SIPA1L3: variants seen among roughly 807,000 people sequenced by gnomAD.
SIPA1L3 encodes the protein signal-induced proliferation-associated 1-like protein 3.
SIPA1L3 carries 59 observed loss-of-function variants against 150.1 expected under a neutral mutation model. The ratio of observed to expected loss-of-function variants is 0.39; its 90% confidence interval spans 0.32 to 0.49. SIPA1L3 has a LOEUF of 0.49. SIPA1L3 is among the 20% of genes least tolerant of loss of function. SIPA1L3 has a pLI of 0.86. For synonymous variants in SIPA1L3, 1,070 were observed against 1,077.6 expected (o/e 0.99, Z 0.14); for missense variants, 2,211 against 2,489.5 (o/e 0.89, Z 2.38).
At chr19:38,113,397 G>A (rs1970811262) in intron 8 of SIPA1L3, among the ~76,000 whole-genome samples, 1 of 152,164 alleles carries the variant, frequency 6.6e-6, no homozygotes, top group South Asian at 2.1e-4. Context: ...GGAGGCTGAG[G>A]CAGGAGGATC....
intron 2 of SIPA1L3, among the ~76,000 whole-genome samples, chr19:38,031,932 A>G (rs565205330): frequency 1.3e-5 from 2 of 152,330 alleles, no homozygotes; most frequent in African/African-American, 4.8e-5. Context: ...TGTGGGTGAC[A>G]GAGCAAGAGC....
At position 38,208,243 on chromosome 19, in the gene SIPA1L3, T is replaced by A. The variant is rs1010998635; in HGVS notation, c.*2003T>A. On this transcript the variant is annotated 3_prime_UTR_variant, in exon 22 of 22. Coordinates refer to ENST00000222345, the MANE Select transcript of SIPA1L3 (RefSeq NM_015073.3). ...ATAGCAGCAGGTTTTTTTTTTCATA[T>A]GTTGATTTGTTTCATTTGGATTTTT... The A allele has an allele frequency of 3.9e-5, 6 of 152,398 alleles. No individual in the cohort carries two copies. 9.4% of individuals were successfully genotyped at this position (152,398 alleles called of 1,614,324 possible).
At chr19:38,041,720 C>T (rs1366878249) in intron 2 of SIPA1L3, among the ~76,000 whole-genome samples, 1 of 151,964 alleles carries the variant, frequency 6.6e-6, no homozygotes, top group African/African-American at 2.4e-5. Context: ...GAGACTACAG[C>T]CACAAGCCAT....
chr19:37,986,165 G>T (rs1215023730), intron 1 of SIPA1L3, among the ~76,000 whole-genome samples: 1 of 152,216 alleles, frequency 6.6e-6, no homozygotes, highest in Non-Finnish European at 1.5e-5. Flanking sequence ...TTCCTGGATA[G>T]AGCCACAGTT....
At chr19:38,117,427 C>A (rs1970912168) in intron 8 of SIPA1L3, among the ~76,000 whole-genome samples, 1 of 152,122 alleles carries the variant, frequency 6.6e-6, no homozygotes, top group African/African-American at 2.4e-5. Flanking sequence ...CAAGACCAGC[C>A]TGACCAACAT....
intron 5 of SIPA1L3, among the ~76,000 whole-genome samples, chr19:38,100,840 C>T (rs750753572): frequency 3.9e-5 from 6 of 152,190 alleles, no homozygotes; most frequent in Non-Finnish European, 7.3e-5. Flanking sequence ...CTGGATACCT[C>T]GTTGTGCTTC....
At chr19:37,989,761 G>T (rs934351669) in intron 1 of SIPA1L3, among the ~76,000 whole-genome samples, 1 of 151,708 alleles carries the variant, frequency 6.6e-6, no homozygotes, top group African/African-American at 2.4e-5. Context: ...CGCCTCCTGG[G>T]TTCAAGCGAT....
At chr19:38,069,506 T>A (rs939326161) in intron 2 of SIPA1L3, among the ~76,000 whole-genome samples, 5 of 152,118 alleles carry the variant, frequency 3.3e-5, no homozygotes, top group African/African-American at 1.2e-4. Context: ...AGGCAGACCC[T>A]CTTCTCTCTG....
In SIPA1L3 at chr19:38,119,825, C is replaced by A; in HGVS notation, c.2811C>A (p.Phe937Leu). ...KIFYGRGDHI[F>L]LQATEGSVED... ...TCTATGGACGAGGAGACCACATCTTCCTACAGGCGACAGAGGGTTCTGTGG... is the reference window on the plus strand; with the variant it reads ...TCTATGGACGAGGAGACCACATCTTACTACAGGCGACAGAGGGTTCTGTGG... Residue 937 changes from phenylalanine to leucine, a missense_variant, in exon 9 of 22, where the codon TTC becomes TTA. Coordinates refer to ENST00000222345, the MANE Select transcript of SIPA1L3 (RefSeq NM_015073.3). 6.2e-7 allele frequency: 1 copy of A among 1,613,478 alleles called. No individual in the cohort carries two copies.
At chr19:37,939,436 G>A (rs561777599) in intron 1 of SIPA1L3, among the ~76,000 whole-genome samples, 1 of 146,894 alleles carries the variant, frequency 6.8e-6, no homozygotes, top group African/African-American at 2.5e-5. Flanking sequence ...AGTTTCAACC[G>A]CATATAATTT....
At chr19:37,985,483 A>G (rs1485138023) in intron 1 of SIPA1L3, among the ~76,000 whole-genome samples, 4 of 152,170 alleles carry the variant, frequency 2.6e-5, no homozygotes, top group African/African-American at 9.7e-5. Context: ...GACAATAGAG[A>G]GAGAGAAAGA....
chr19:38,030,044 A>G (rs549459532), intron 2 of SIPA1L3, among the ~76,000 whole-genome samples: 29 of 151,694 alleles, frequency 1.9e-4, no homozygotes, highest in Non-Finnish European at 3.5e-4. Flanking sequence ...TGTAGAGATG[A>G]GGTTTCACCA....
chr19:38,070,841 G>A (rs1231969688), intron 2 of SIPA1L3, among the ~76,000 whole-genome samples: 1 of 152,138 alleles, frequency 6.6e-6, no homozygotes, highest in African/African-American at 2.4e-5. Flanking sequence ...AGGAACCCTC[G>A]GACTTGATGC....
At chr19:37,944,069 G>C (rs2145533954) in intron 1 of SIPA1L3, among the ~76,000 whole-genome samples, 1 of 152,210 alleles carries the variant, frequency 6.6e-6, no homozygotes, top group Middle Eastern at 3.4e-3. Context: ...CTGAGGTCAG[G>C]AGTTCGAGAC....
At chr19:38,072,974 C>G (rs1222633889) in intron 2 of SIPA1L3, among the ~76,000 whole-genome samples, 2 of 152,244 alleles carry the variant, frequency 1.3e-5, no homozygotes, top group Admixed American at 6.5e-5. Flanking sequence ...GTTGCCTGCT[C>G]TTCTAACAGA....
intron 1 of SIPA1L3, among the ~76,000 whole-genome samples, chr19:37,923,369 A>G (rs1568464975): frequency 6.6e-6 from 1 of 152,224 alleles, no homozygotes; most frequent in Non-Finnish European, 1.5e-5. Context: ...GGAGTAGGCT[A>G]TTGCTTCTAG....
At chr19:38,125,477 C>G (rs1971150613) in intron 9 of SIPA1L3, among the ~76,000 whole-genome samples, 1 of 152,176 alleles carries the variant, frequency 6.6e-6, no homozygotes, top group South Asian at 2.1e-4. Flanking sequence ...CTGTCCCACA[C>G]CCACCCCCGT....
intron 1 of SIPA1L3, among the ~76,000 whole-genome samples, chr19:37,996,269 A>G (rs1019643725): frequency 6.6e-6 from 1 of 152,204 alleles, no homozygotes; most frequent in Non-Finnish European, 1.5e-5. Context: ...TCTGTTACCC[A>G]GGCTGGAGTG....
At chr19:37,938,813 G>T (rs1231906715) in intron 1 of SIPA1L3, among the ~76,000 whole-genome samples, 4 of 151,826 alleles carry the variant, frequency 2.6e-5, no homozygotes, top group Admixed American at 2.6e-4. Context: ...AGTAGAGACG[G>T]GATTTCATCA....
Sources: allele counts gnomAD v4.1 joint callset (sites outside exome capture counted in the v4.1 genomes callset), GRCh38; gene constraint gnomAD v4.1.1; transcripts MANE v1.5; gene names NCBI Gene and HGNC (gene_info 2026-07-23, HGNC 2026-07-21).